PDE1A: variants seen among roughly 807,000 people sequenced by gnomAD.
The protein encoded by PDE1A is phosphodiesterase 1A.
In PDE1A, 35 loss-of-function variants were observed where a neutral mutation model predicts 61.7. The observed-to-expected ratio is 0.57, with a 90% CI of 0.43 to 0.75. PDE1A has a LOEUF of 0.75. Ranked by LOEUF, PDE1A falls within the 30% of genes least tolerant of loss-of-function variation. The probability of loss-of-function intolerance (pLI) is 0.00; values close to 1 mark genes in which losing one functional copy is unlikely to be tolerated. For synonymous variants in PDE1A, 232 were observed against 213.2 expected (o/e 1.09, Z -0.77); for missense variants, 597 against 630.6 (o/e 0.95, Z 0.57).
At chr2:182,457,027 G>GTA (rs1417167462) in intron 2 of PDE1A, among the ~76,000 whole-genome samples, 1 of 151,998 alleles carries the variant, frequency 6.6e-6, no homozygotes, top group Admixed American at 6.6e-5. Context: ...CTAACAGTAA[G>GTA]TATGAATGCC....
the PDE1A span, among the ~76,000 whole-genome samples, chr2:182,546,070 G>T: frequency 6.6e-6 from 1 of 152,108 alleles, no homozygotes; most frequent in Non-Finnish European, 1.5e-5. Context: ...TATTTGAATT[G>T]GTTCTCCAGC....
the PDE1A span, among the ~76,000 whole-genome samples, chr2:182,633,630 G>C: frequency 6.6e-6 from 1 of 152,138 alleles, no homozygotes; most frequent in Non-Finnish European, 1.5e-5. Flanking sequence ...GACCCACGGC[G>C]TTCTCATTTT....
At position 182,498,948 on chromosome 2, in the gene PDE1A, A is replaced by T. The variant is rs1053291440; in HGVS notation, c.101+23328T>A. On this transcript the variant is annotated intron_variant, in intron 2 of 14. Coordinates refer to the PDE1A transcript ENST00000410103. ...ACAGAGCGAGACTCCATCTCAAAAT[A>T]AAAAAATAAAAAAATGACCCTACTA... Among the ~76,000 whole-genome samples the T allele has an allele frequency of 2.0e-5, 3 of 151,828 alleles. No individual in the cohort carries two copies. In the East Asian group the frequency reaches 5.9e-4, roughly 30 times the overall value.
At chr2:182,555,033 T>A in the PDE1A span, among the ~76,000 whole-genome samples, 1 of 152,216 alleles carries the variant, frequency 6.6e-6, no homozygotes, top group African/African-American at 2.4e-5. Flanking sequence ...ATCTGTCTCA[T>A]AATACTCATA....
At chr2:182,603,833 A>G in the PDE1A span, among the ~76,000 whole-genome samples, 1 of 152,218 alleles carries the variant, frequency 6.6e-6, no homozygotes, top group Admixed American at 6.5e-5. Flanking sequence ...ACCAAGAAAG[A>G]GCCAGAATAT....
intron 2 of PDE1A, among the ~76,000 whole-genome samples, chr2:182,517,889 G>A (rs1046056756): frequency 1.3e-5 from 2 of 152,080 alleles, no homozygotes; most frequent in Non-Finnish European, 2.9e-5. Flanking sequence ...CAAAAGCTTC[G>A]TATAGAACAA....
At chr2:182,390,721 A>G (rs1324592331) in intron 1 of PDE1A, among the ~76,000 whole-genome samples, 1 of 152,216 alleles carries the variant, frequency 6.6e-6, no homozygotes, top group African/African-American at 2.4e-5. Flanking sequence ...TGTTAAAGTG[A>G]GGGCATTGAT....
At chr2:182,486,591 G>T (rs1559505581) in intron 2 of PDE1A, among the ~76,000 whole-genome samples, 1 of 152,026 alleles carries the variant, frequency 6.6e-6, no homozygotes, top group Non-Finnish European at 1.5e-5. Flanking sequence ...AGCATAAATT[G>T]ACATATAGAC....
At chr2:182,447,463 T>C (rs928871646) in intron 2 of PDE1A, among the ~76,000 whole-genome samples, 3 of 152,050 alleles carry the variant, frequency 2.0e-5, no homozygotes, top group Admixed American at 1.3e-4. Context: ...CTGATGGCAA[T>C]GTGTGCCACA....
intron 7 of PDE1A, among the ~76,000 whole-genome samples, chr2:182,209,672 A>C (rs112500889): frequency 4.0e-5 from 6 of 151,698 alleles, no homozygotes; most frequent in African/African-American, 1.5e-4. Context: ...TTCTCATAAG[A>C]TCTGGTTGCT....
intron 2 of PDE1A, among the ~76,000 whole-genome samples, chr2:182,448,016 T>C (rs1390702964): frequency 6.6e-6 from 1 of 152,072 alleles, no homozygotes; most frequent in African/African-American, 2.4e-5. Flanking sequence ...TGATCTTGTT[T>C]CACAACCCTG....
chr2:182,696,874 T>C, the PDE1A span, among the ~76,000 whole-genome samples: 2 of 152,248 alleles, frequency 1.3e-5, no homozygotes. Context: ...TAAAGTCTAA[T>C]GTTTTAAGTT....
chr2:182,695,686 G>GGA, the PDE1A span, among the ~76,000 whole-genome samples: 1 of 50,926 alleles, frequency 2.0e-5, no homozygotes, highest in Non-Finnish European at 4.9e-5. Flanking sequence ...AAAAAAAAAA[G>GGA]AAAAAGAAAA....
the PDE1A span, among the ~76,000 whole-genome samples, chr2:182,714,690 C>T: frequency 8.2e-4 from 125 of 152,092 alleles, no homozygotes; most frequent in African/African-American, 2.9e-3. Context: ...TCCCGAGTAG[C>T]TGGGATTATA....
the PDE1A span, among the ~76,000 whole-genome samples, chr2:182,658,443 A>C: frequency 2.0e-5 from 3 of 152,204 alleles, no homozygotes; most frequent in Non-Finnish European, 2.9e-5. Flanking sequence ...TCTTAACCTC[A>C]TCTTAATTTG....
chr2:182,593,556 A>AC, the PDE1A span, among the ~76,000 whole-genome samples: 2 of 152,176 alleles, frequency 1.3e-5, no homozygotes, highest in Admixed American at 1.3e-4. Flanking sequence ...GATGAGTCAG[A>AC]CCCGTGGGAG....
At chr2:182,218,474 G>A (rs1040365901) in intron 7 of PDE1A, among the ~76,000 whole-genome samples, 6 of 151,988 alleles carry the variant, frequency 3.9e-5, no homozygotes, top group Non-Finnish European at 2.9e-5. Flanking sequence ...ATTAACTCTA[G>A]TTGACACATT....
the PDE1A span, among the ~76,000 whole-genome samples, chr2:182,689,425 A>G: frequency 1.3e-5 from 2 of 152,224 alleles, no homozygotes; most frequent in Non-Finnish European, 2.9e-5. Flanking sequence ...TTCCTGAATG[A>G]CTACTGGGTA....
At chr2:182,317,607 T>C (rs1696424724) in intron 1 of PDE1A, among the ~76,000 whole-genome samples, 1 of 152,160 alleles carries the variant, frequency 6.6e-6, no homozygotes, top group Admixed American at 6.6e-5. Context: ...TACATAGTGA[T>C]GTGTCCGAAA....
Sources: allele counts gnomAD v4.1 joint callset (sites outside exome capture counted in the v4.1 genomes callset), GRCh38; gene constraint gnomAD v4.1.1; transcripts MANE v1.5; gene names NCBI Gene and HGNC (gene_info 2026-07-23, HGNC 2026-07-21).